The following RPL39 variants were observed in gnomAD, a reference collection of about 807,000 sequenced individuals.
The protein encoded by RPL39 is ribosomal protein L39, also known as large ribosomal subunit protein eL39.
For missense variants in RPL39, 6 were observed against 37.2 expected (o/e 0.16, Z 2.18); for synonymous variants, 8 against 11.4 (o/e 0.70, Z 0.60).
At position 119,786,547 on chromosome X, in the gene RPL39, C is replaced by A. The variant is rs1053658038; in HGVS notation, c.*137G>T. On this transcript the variant is annotated 3_prime_UTR_variant, in exon 3 of 3. Coordinates refer to ENST00000361575, the MANE Select transcript of RPL39 (RefSeq NM_001000.4). ...CATATTTATTACTGAATCCAGCCAA[C>A]CAACGTGTTCATAACAGATTCAGAG... 12 of 487,379 alleles carry A rather than the reference C, an allele frequency of 2.5e-5. No individual in the cohort carries two copies. The highest frequency in any genetic ancestry group is 3.9e-5 in the Non-Finnish European group (11 of 285,367). 40.2% of individuals were successfully genotyped at this position (487,379 alleles called of 1,213,427 possible).
chrX:119,790,469 G>A (rs902246743), intron 1 of RPL39: 1 of 115,884 alleles, frequency 8.6e-6, no homozygotes. Context: ...GCTCTACTTT[G>A]TAAAACAGGG....
chrX:119,787,088 C>T (rs1265481066), intron 2 of RPL39, among the ~76,000 whole-genome samples: 1 of 88,345 alleles, frequency 1.1e-5, no homozygotes, highest in African/African-American at 3.8e-5. Flanking sequence ...TATAAAAGCT[C>T]CCGCATGATA....
At chrX:119,791,542 AC>A in intron 1 of RPL39, 31 bp downstream of exon 1, 2 of 1,119,105 alleles carry the variant, frequency 1.8e-6, no homozygotes, top group Non-Finnish European at 1.2e-6. Flanking sequence ...TTGGGAAGCC[AC>A]CCCGGGGCCG....
intron 2 of RPL39, chrX:119,787,188 T>C (rs923920959): frequency 3.8e-6 from 1 of 260,421 alleles, no homozygotes; most frequent in Admixed American, 4.6e-5. Context: ...GGTTTCACCA[T>C]GTTGGCCAGG....
intron 1 of RPL39, 188 bp downstream of exon 1, chrX:119,791,386 G>A: frequency 2.9e-6 from 1 of 343,904 alleles, no homozygotes; most frequent in Non-Finnish European, 5.0e-6. Context: ...TCCCTCTCCA[G>A]GTTGCTCGCT....
chrX:119,786,802 C>G (rs1267461535), intron 2 of RPL39, 70 bp from the exon 3 acceptor site: 8 of 825,045 alleles, frequency 9.7e-6, no homozygotes, highest in Non-Finnish European at 1.3e-5. Flanking sequence ...TTCACATAAC[C>G]TTTTAGGTAC....
chrX:119,789,767 A>C, intron 2 of RPL39, 141 bp downstream of exon 2: 1 of 439,448 alleles, frequency 2.3e-6, no homozygotes, highest in Non-Finnish European at 4.0e-6. Flanking sequence ...ACGTTTTTAA[A>C]AACGAATTTG....
At chrX:119,789,830 A>T in intron 2 of RPL39, 78 bp downstream of exon 2, 1 of 553,881 alleles carries the variant, frequency 1.8e-6, no homozygotes, top group Non-Finnish European at 3.2e-6. Flanking sequence ...TCATGTATTT[A>T]TACTCAAAAA....
At chrX:119,786,903 A>T (rs1001440055) in intron 2 of RPL39, among the ~76,000 whole-genome samples, 171 bp from the exon 3 acceptor site, 12 of 112,238 alleles carry the variant, frequency 1.1e-4, no homozygotes, top group Non-Finnish European at 2.1e-4. Context: ...ATGTGTTTAA[A>T]AACTAGCCAA....
chrX:119,786,659 T>C lies in RPL39; in HGVS notation c.*25A>G, dbSNP rs376816018. On this transcript the variant is annotated 3_prime_UTR_variant, in exon 3 of 3. Transcript: ENST00000361575. ...TCGTGACCTTCAGACAGCATAAATA[T>C]GTGTGCCATCTCATGTGCAATTCCT... The C allele has an allele frequency of 5.7e-5, 63 of 1,106,650 alleles. No individual in the cohort carries two copies. Among genetic ancestry groups the C allele is most frequent in the South Asian group, 4.0e-4 (21 of 53,008 alleles). The allele number at this position is 1,106,650 out of a possible 1,213,427, so 91.2% of individuals were successfully genotyped here.
chrX:119,790,852 C>T (rs748829175), intron 1 of RPL39: 1 of 110,984 alleles, frequency 9.0e-6, no homozygotes, highest in Admixed American at 9.6e-5. Context: ...TACACCCCGT[C>T]CCCCATCCAC....
At chrX:119,789,695 T>C (rs1292762590) in intron 2 of RPL39, among the ~76,000 whole-genome samples, 1 of 112,647 alleles carries the variant, frequency 8.9e-6, no homozygotes, top group East Asian at 2.8e-4. Flanking sequence ...TAATAAGTAT[T>C]GGAGAATTAT....
Position 119,791,543 on chromosome X carries a change from C to A in RPL39, c.3+31G>T, listed in dbSNP as rs754179686. ...AGCGGCCTCGGGTTTTGGGAAGCCA[C>A]CCCGGGGCCGATGGGGGCCGATGGA... is the stretch of plus-strand genomic sequence containing the variant. On this transcript the variant is annotated intron_variant, in intron 1 of 2. Coordinates refer to ENST00000361575, the MANE Select transcript of RPL39 (RefSeq NM_001000.4). The A allele has an allele frequency of 3.0e-5, 34 of 1,140,869 alleles. No individual in the cohort carries two copies. In the Middle Eastern group the frequency reaches 1.1e-3, roughly 36 times the overall value. 94.0% of individuals were successfully genotyped at this position (1,140,869 alleles called of 1,213,427 possible).
chrX:119,786,818 A>C, intron 2 of RPL39, 86 bp from the exon 3 acceptor site: 1 of 702,778 alleles, frequency 1.4e-6, no homozygotes, highest in East Asian at 3.2e-5. Context: ...GGTACCACAA[A>C]ATACAAAGGG....
chrX:119,786,730 T>C lies in RPL39; in HGVS notation c.110A>G (p.Tyr37Cys). The change falls in exon 3 of 3, where the codon TAC (tyrosine) becomes TGC (cysteine). Residue 37 changes from tyrosine (Y) to cysteine (C), a missense_variant and splice_region_variant. Physicochemically the swap from Tyr to Cys is radical, Grantham distance 194. Coordinates refer to ENST00000361575, the MANE Select transcript of RPL39 (RefSeq NM_001000.4). ...IRMKTGNKIR[Y>C]NSKRRHWRRT... Reference sequence around the variant, plus strand: ...TCTCCAATGTCTCCTTTTGGAGTTGTACCTACACAGAAAAAAATGTCAAGT... The same window carrying C: ...TCTCCAATGTCTCCTTTTGGAGTTGCACCTACACAGAAAAAAATGTCAAGT... 1 of 1,203,376 alleles carries C rather than the reference T, an allele frequency of 8.3e-7. No homozygotes were observed. The highest frequency in any genetic ancestry group is 1.1e-6 in the Non-Finnish European group (1 of 889,221).
At chrX:119,788,696 G>T (rs752433027) in intron 2 of RPL39, among the ~76,000 whole-genome samples, 36 of 111,000 alleles carry the variant, frequency 3.2e-4, no homozygotes, top group Non-Finnish European at 6.6e-4. Flanking sequence ...CACTCAGCCT[G>T]GGTGAGAGAG....
At chrX:119,791,519 G>C (rs12854904) in intron 1 of RPL39, 55 bp downstream of exon 1, 2 of 1,073,739 alleles carry the variant, frequency 1.9e-6, no homozygotes, top group Admixed American at 6.8e-5. Context: ...TTTCCTGGCA[G>C]CGGCCTCGGG....
chrX:119,790,094 T>G (rs1010624613), intron 1 of RPL39, 83 bp from the exon 2 acceptor site: 4 of 573,730 alleles, frequency 7.0e-6, no homozygotes, highest in African/African-American at 4.5e-5. Flanking sequence ...AAACCAACAT[T>G]TGAGTGCTTA....
At chrX:119,791,334 A>C in intron 1 of RPL39, 4 of 282,621 alleles carry the variant, frequency 1.4e-5, no homozygotes, top group Non-Finnish European at 2.0e-5. Context: ...GCGGCCGGGC[A>C]AAGAAAGAGC....
Sources: gnomAD v4.1 joint callset for allele counts (sites outside exome capture counted in the v4.1 genomes callset) on GRCh38, gnomAD v4.1.1 for gene constraint, MANE v1.5 for transcripts, NCBI Gene and HGNC (gene_info 2026-07-23, HGNC 2026-07-21) for gene names.